TEP1: variants seen among roughly 807,000 people sequenced by gnomAD.
The protein encoded by TEP1 is telomerase protein component 1.
TEP1 carries 241 observed loss-of-function variants against 306.3 expected under a neutral mutation model. The ratio of observed to expected loss-of-function variants is 0.79; its 90% CI spans 0.71 to 0.88. The LOEUF (loss-of-function observed/expected upper bound fraction) is 0.88, where lower values mean the gene tolerates loss of function less well. Ranked by LOEUF, TEP1 falls within the 40% of genes least tolerant of loss-of-function variation. TEP1 has a pLI of 0.00. For missense variants in TEP1, 3,051 were observed against 3,276.1 expected (o/e 0.93, Z 1.68); for synonymous variants, 1,289 against 1,305.5 (o/e 0.99, Z 0.27).
rs1341329011 is a variant in TEP1, at chr14:20,384,246, G to A, written c.3340-14C>T. 5.6e-6 allele frequency: 9 copies of A among 1,612,468 alleles called. No individual in the cohort carries two copies. The highest frequency in any genetic ancestry group is 7.6e-6 in the Non-Finnish European group (9 of 1,179,172). ...CAGGGCCCCAGGCTGAGGGTAAATG[G>A]GTCAGTGACTATCCATGGTGCCATG... On this transcript the variant is annotated splice_polypyrimidine_tract_variant and intron_variant, in intron 23 of 54. Transcript: ENST00000262715.
At chr14:20,388,184 CT>C in intron 17 of TEP1, 121 bp from the exon 18 acceptor site, 2 of 1,034,890 alleles carry the variant, frequency 1.9e-6, no homozygotes, top group South Asian at 3.0e-5. Context: ...AGTCAAGCTC[CT>C]TAAGAAGAGG....
intron 51 of TEP1, among the ~76,000 whole-genome samples, chr14:20,370,132 T>G (rs1205843320): frequency 6.6e-6 from 1 of 152,244 alleles, no homozygotes; most frequent in Non-Finnish European, 1.5e-5. Flanking sequence ...CAGGCTGGTC[T>G]CGAACTCCTG....
rs1876534371 is a variant in TEP1 at position 20,381,587 on chromosome 14, T to C, written c.4524A>G (p.Pro1508=). 1 of 1,613,918 alleles carries C rather than the reference T, an allele frequency of 6.2e-7. No individual in the cohort carries two copies. The highest frequency in any genetic ancestry group is 8.5e-7 in the Non-Finnish European group (1 of 1,180,006). The change falls in exon 31 of 55, where the codon CCA becomes CCG. Residue 1508 remains proline, a synonymous_variant. Coordinates refer to ENST00000262715, the MANE Select transcript of TEP1 (RefSeq NM_007110.5). The surrounding 1 kb of genome is among the most constrained non-coding windows in gnomAD (Gnocchi z 4.0). ...GGATGTGTGCCGTGTCCTCTAGCCC[T>C]GGCCTCTTCCCATAGCAACGTTTAG... The part of the protein sequence containing the change: ...TAAKRCYGKR[P]GLEDTAHILI...
chr14:20,373,306 C>T lies in TEP1; in HGVS notation c.6778G>A (p.Gly2260Ser). The T allele has an allele frequency of 1.9e-6, 3 of 1,614,188 alleles. No individual in the cohort carries two copies. The highest frequency in any genetic ancestry group is 1.6e-4 in the Middle Eastern group (1 of 6,062). The change falls in exon 47 of 55, where the codon GGT (glycine) becomes AGT (serine). Residue 2260 changes from glycine (G) to serine (S), a missense_variant. Coordinates refer to ENST00000262715, the MANE Select transcript of TEP1 (RefSeq NM_007110.5). Reference sequence around the variant, plus strand: ...GGAACCTGCCAGAGCCGTACAGAACCATCCTCAGAGGCGGTCAGCATGAGG... The same window carrying T: ...GGAACCTGCCAGAGCCGTACAGAACTATCCTCAGAGGCGGTCAGCATGAGG... ...SGLMLTASEDGSVRLWQVPKE... is the reference protein window; with the variant it reads ...SGLMLTASEDSSVRLWQVPKE...
At position 20,380,361 on chromosome 14, in the gene TEP1, T is replaced by TG; in HGVS notation, c.4876dup (p.Gln1626ProfsTer33). 6.2e-7 allele frequency: 1 copy of TG among 1,614,206 alleles called. No homozygotes were observed. Among genetic ancestry groups the TG allele is most frequent in the African/African-American group, 1.3e-5 (1 of 75,058 alleles). ...GTCCAGGGGCTGGTTGGCTGCCTGCTGGGGCAGGAGCCGGGGGTACTGGCT... is the reference window on the plus strand; with the variant it reads ...GTCCAGGGGCTGGTTGGCTGCCTGCTGGGGGCAGGAGCCGGGGGTACTGGCT... On this transcript the variant is annotated frameshift_variant, in exon 34 of 55. Transcript: ENST00000262715. LOFTEE classifies it high-confidence loss of function.
rs116352524 is a variant in TEP1 at position 20,380,033 on chromosome 14, A to G, written c.5024T>C (p.Val1675Ala). The G allele has an allele frequency of 6.8e-5, 109 of 1,613,212 alleles. No individual in the cohort carries two copies. In the African/African-American group the frequency reaches 1.2e-3, roughly 17 times the overall value. The change falls in exon 35 of 55, where the codon GTT (valine) becomes GCT (alanine). Residue 1675 changes from valine to alanine, a missense_variant. Around this residue, in one of 3 missense-constraint regions of TEP1, gnomAD observed 1,540 missense variants for 1,705.9 expected, o/e 0.90. Transcript: ENST00000262715. ...GGCCACAGCAGTAGGGGATGAGGAA[A>G]CTGCCAGAGACAGGCTGGAGCTAGA... ...NQQSSSLSLA[V>A]SSSPTAVAFS...
At chr14:20,374,935 C>T (rs1307852680) in intron 43 of TEP1, among the ~76,000 whole-genome samples, 1 of 151,756 alleles carries the variant, frequency 6.6e-6, no homozygotes, top group Admixed American at 6.6e-5. Flanking sequence ...ACTAAAAATA[C>T]AAAAAATTAG....
rs1876952512 is a variant in TEP1, at chr14:20,384,598, A to G, written c.3221+2T>C. ...AGGTGCTCCCTACCTCCCTCAGCTC[A>G]CCTGCGGCAGGTGATCCCTTTCTGT... On this transcript the variant is annotated splice_donor_variant, in intron 22 of 54. Coordinates refer to ENST00000262715, the MANE Select transcript of TEP1 (RefSeq NM_007110.5). LOFTEE classifies it high-confidence loss of function. 1 of 1,613,760 alleles carries G rather than the reference A, an allele frequency of 6.2e-7. No individual in the cohort carries two copies. Among genetic ancestry groups the G allele is most frequent in the African/African-American group, 1.3e-5 (1 of 74,920 alleles).
In TEP1 at chr14:20,383,520, T is replaced by C; in HGVS notation, c.3835A>G (p.Ile1279Val). 6.2e-7 allele frequency: 1 copy of C among 1,614,206 alleles called. No individual in the cohort carries two copies. The highest frequency in any genetic ancestry group is 8.5e-7 in the Non-Finnish European group (1 of 1,180,032). Residue 1279 changes from isoleucine to valine, a missense_variant, in exon 26 of 55, where the codon ATT becomes GTT. Around this residue, in one of 3 missense-constraint regions of TEP1, gnomAD observed 1,540 missense variants for 1,705.9 expected, o/e 0.90. Coordinates refer to ENST00000262715, the MANE Select transcript of TEP1 (RefSeq NM_007110.5). Reference sequence around the variant, plus strand: ...AGCTTCTTTGGGATCCAGTCTGAAATCAGCTGCCCATTCTGGTCCACTAAC... The same window carrying C: ...AGCTTCTTTGGGATCCAGTCTGAAACCAGCTGCCCATTCTGGTCCACTAAC... ...DRLVDQNGQL[I>V]SDWIPKKLPR... is the part of the protein sequence containing the mutation.
At chr14:20,390,882 A>G (rs1877649526) in intron 14 of TEP1, 56 bp downstream of exon 14, 12 of 1,611,970 alleles carry the variant, frequency 7.4e-6, no homozygotes, top group Non-Finnish European at 1.0e-5. Context: ...TATCTGGGCT[A>G]TTCCCAGGCC....
At position 20,379,900 on chromosome 14, in the gene TEP1, G is replaced by A. The variant is rs746053406; in HGVS notation, c.5127+30C>T. The A allele has an allele frequency of 1.1e-5, 17 of 1,596,104 alleles. 2 individuals carry two copies. The South Asian group carries it at 1.8e-4, about 17-fold the overall frequency. The stretch of plus-strand genomic sequence containing the variant: ...GGCAGTCTGCATGGATTTTCAGAGG[G>A]TAAATTCTGCCCCTCCTTGATTGTC... On this transcript the variant is annotated intron_variant, in intron 35 of 54. Transcript: ENST00000262715.
intron 51 of TEP1, among the ~76,000 whole-genome samples, chr14:20,370,452 A>T (rs187433651): frequency 6.6e-6 from 1 of 152,104 alleles, no homozygotes; most frequent in African/African-American, 2.4e-5. Context: ...TATAGTATGT[A>T]CTCCTTTGTA....
At chr14:20,410,335 T>C (rs1879553888) in intron 1 of TEP1, among the ~76,000 whole-genome samples, 1 of 152,020 alleles carries the variant, frequency 6.6e-6, no homozygotes. Flanking sequence ...GAGCCAGATG[T>C]GGTAGCCTGC....
chr14:20,393,755 C>T (rs1044501369), intron 12 of TEP1, among the ~76,000 whole-genome samples: 2 of 150,860 alleles, frequency 1.3e-5, no homozygotes, highest in Non-Finnish European at 2.9e-5. Context: ...TCACACCAGC[C>T]TGGGTGACGA....
At chr14:20,397,662 T>A (rs111321870) in intron 9 of TEP1, among the ~76,000 whole-genome samples, 7,683 of 152,320 alleles carry the variant, frequency 0.05, 197 homozygotes, top group South Asian at 0.076. Context: ...TGAAAAAGAT[T>A]TGCACTGGAG....
intron 1 of TEP1, among the ~76,000 whole-genome samples, chr14:20,410,969 C>G (rs1879645253): frequency 6.6e-6 from 1 of 151,904 alleles, no homozygotes; most frequent in South Asian, 2.1e-4. Flanking sequence ...TTACAAGTGC[C>G]TGCCACCACA....
chr14:20,382,292 G>A lies in TEP1; in HGVS notation c.4205C>T (p.Thr1402Ile). 1 of 1,614,084 alleles carries A rather than the reference G, an allele frequency of 6.2e-7. No individual in the cohort carries two copies. The highest frequency in any genetic ancestry group is 1.7e-5 in the Admixed American group (1 of 60,018). Reference sequence around the variant, plus strand: ...ATCAGGCCCGTGCTCCTTCTCCAGTGTGCTCAGGATGTGCTGCAGCAGCAG... The same window carrying A: ...ATCAGGCCCGTGCTCCTTCTCCAGTATGCTCAGGATGTGCTGCAGCAGCAG... ...VPLLLQHILS[T>I]LEKEHGPDVL... Residue 1402 changes from threonine to isoleucine, a missense_variant, in exon 29 of 55, where the codon ACA becomes ATA. Physicochemically the swap from Thr to Ile is moderately conservative, Grantham distance 89. Coordinates refer to ENST00000262715, the MANE Select transcript of TEP1 (RefSeq NM_007110.5).
rs376871567 is a variant in TEP1, at chr14:20,369,373, G to C, written c.7627C>G (p.Pro2543Ala). The change falls in exon 53 of 55, where the codon CCA becomes GCA. Residue 2543 changes from proline to alanine, a missense_variant. By Grantham distance (27) the Pro-to-Ala change is conservative. Transcript: ENST00000262715. ...CTACGCTGCCGTGTCTTTAGATGTG[G>C]TGTTGGCTCACTATCCATGCTGGCA... The part of the protein sequence containing the change: ...SDASMDSEPT[P>A]HLKTRQRRKI... The C allele has an allele frequency of 7.4e-6, 12 of 1,613,834 alleles. No homozygotes were observed.
rs754034065 is a variant in TEP1 at position 20,384,122 on chromosome 14, C to T, written c.3450G>A (p.Gln1150=). ...PPSPARPRLL[Q]DTVQRLMLPH... is the part of the protein sequence containing the mutation. ...GCAGCATCAGCCGTTGCACTGTGTC[C>T]TGAAGAAGGCGTGGCCGGGCAGGAC... Residue 1150 remains glutamine, a synonymous_variant, in exon 24 of 55, where the codon CAG becomes CAA. Coordinates refer to ENST00000262715, the MANE Select transcript of TEP1 (RefSeq NM_007110.5). 8 of 1,614,006 alleles carry T rather than the reference C, an allele frequency of 5.0e-6. No individual in the cohort carries two copies. Among genetic ancestry groups the T allele is most frequent in the Admixed American group, 3.3e-5 (2 of 60,008 alleles).
Sources: gnomAD v4.1 joint callset for allele counts (sites outside exome capture counted in the v4.1 genomes callset) on GRCh38, gnomAD v4.1.1 for gene constraint, gnomAD v4.1.1 regional missense constraint, Gnocchi (gnomAD v3.1) non-coding constraint, MANE v1.5 for transcripts, NCBI Gene and HGNC (gene_info 2026-07-23, HGNC 2026-07-21) for gene names.